The following VAV3 variants were observed in gnomAD, a reference collection of about 807,000 sequenced individuals.
The protein encoded by VAV3 is guanine nucleotide exchange factor VAV3.
VAV3 carries 94 observed loss-of-function variants against 131.2 expected under a neutral mutation model. The observed-to-expected ratio is 0.72, with a 90% CI of 0.61 to 0.85. VAV3 has a LOEUF of 0.85. Among genes scored for constraint, VAV3 ranks in the 40% least tolerant of loss-of-function variants. The probability of loss-of-function intolerance (pLI) is 0.00; values close to 1 mark genes in which losing one functional copy is unlikely to be tolerated. For missense variants in VAV3, 939 were observed against 1,002.7 expected (o/e 0.94, Z 0.86); for synonymous variants, 349 against 342.0 (o/e 1.02, Z -0.22).
chr1:107,964,917 G>A lies in VAV3; in HGVS notation c.-48C>T. On this transcript the variant is annotated 5_prime_UTR_variant, in exon 1 of 27. Transcript: ENST00000370056. ...CTGGGCCGGGGCGGGCGGCAAGGAT[G>A]CGGCCGCCGCCGCCGCCGCCGCGGT... is the stretch of plus-strand genomic sequence containing the variant. 1.7e-6 allele frequency: 2 copies of A among 1,178,830 alleles called. No homozygotes were observed. Among genetic ancestry groups the A allele is most frequent in the Non-Finnish European group, 2.1e-6 (2 of 952,980 alleles). The allele number at this position is 1,178,830 out of a possible 1,614,324, so 73.0% of individuals were successfully genotyped here.
At chr1:107,812,831 AC>A (rs776273344) in intron 2 of VAV3, among the ~76,000 whole-genome samples, 18 of 151,688 alleles carry the variant, frequency 1.2e-4, no homozygotes, top group Admixed American at 6.6e-4. Context: ...GGAATTAAAA[AC>A]TCTTGATAAG....
At chr1:107,815,473 T>C (rs1464396924) in intron 2 of VAV3, among the ~76,000 whole-genome samples, 2 of 152,216 alleles carry the variant, frequency 1.3e-5, no homozygotes, top group Non-Finnish European at 2.9e-5. Flanking sequence ...GATGTGATTT[T>C]ACGCACTGTT....
At chr1:107,660,861 A>G (rs553065578) in intron 19 of VAV3, among the ~76,000 whole-genome samples, 63 of 152,280 alleles carry the variant, frequency 4.1e-4, no homozygotes, top group African/African-American at 7.9e-4. Flanking sequence ...CATTAGAAAA[A>G]TTGCAAACGC....
At chr1:107,917,024 C>T (rs345309) in intron 1 of VAV3, among the ~76,000 whole-genome samples, 91,725 of 151,966 alleles carry the variant, frequency 0.6, 29,641 homozygotes, top group Middle Eastern at 0.76. Context: ...ATGTTGGTGA[C>T]GATCAGATTG....
chr1:107,923,223 G>C (rs1443740057), intron 1 of VAV3, among the ~76,000 whole-genome samples: 1 of 152,100 alleles, frequency 6.6e-6, no homozygotes, highest in East Asian at 1.9e-4. Context: ...GTGCGTTTGG[G>C]TTTTGTTTTG....
intron 19 of VAV3, chr1:107,669,290 A>G: frequency 4.7e-6 from 6 of 1,284,362 alleles, no homozygotes; most frequent in Non-Finnish European, 6.1e-6. Context: ...GTAAGTGGGG[A>G]CAAAAAGAGC....
intron 19 of VAV3, among the ~76,000 whole-genome samples, chr1:107,666,894 G>A (rs542542450): frequency 2.6e-5 from 4 of 152,284 alleles, no homozygotes; most frequent in Admixed American, 2.6e-4. Flanking sequence ...CAAGGTCACA[G>A]AGCTGGTAAA....
chr1:107,871,767 A>G (rs557198518), intron 2 of VAV3, among the ~76,000 whole-genome samples: 2 of 152,302 alleles, frequency 1.3e-5, no homozygotes, highest in East Asian at 3.9e-4. Flanking sequence ...AAGATTCAAA[A>G]TAAATCTCCT....
Position 107,704,568 on chromosome 1 carries a change from C to T in VAV3, c.1687G>A (p.Gly563Ser). The change falls in exon 17 of 27, where the codon GGC becomes AGC. Residue 563 changes from glycine (G) to serine (S), a missense_variant. By Grantham distance (56) the Gly-to-Ser change is moderately conservative (BLOSUM62 0). Transcript: ENST00000370056. The part of the protein sequence containing the change: ...KECLGRVDNC[G>S]RVNSGEQGTL... ...GACTTACCACCAGAATTAACTCTGC[C>T]ACAATTGTCTACTCTTCCCAAACAT... The T allele has an allele frequency of 1.2e-6, 2 of 1,613,490 alleles. No homozygotes were observed. Among genetic ancestry groups the T allele is most frequent in the Non-Finnish European group, 1.7e-6 (2 of 1,179,560 alleles).
At position 107,903,011 on chromosome 1, in the gene VAV3, T is replaced by C. The variant is rs576866127; in HGVS notation, c.205-27994A>G. On this transcript the variant is annotated intron_variant, in intron 1 of 26. Transcript: ENST00000370056. ...GCAGAATTGAAATGAGATAATCTGC[T>C]AGTGTGAAAGAAATAATTTTAAGGA... Among the ~76,000 whole-genome samples, 10 of 152,258 alleles carry C rather than the reference T, an allele frequency of 6.6e-5. 1 individual carries two copies. In the South Asian group the frequency reaches 1.7e-3, roughly 25 times the overall value.
At chr1:107,671,605 G>T (rs1338563082) in intron 19 of VAV3, among the ~76,000 whole-genome samples, 1 of 152,146 alleles carries the variant, frequency 6.6e-6, no homozygotes, top group Non-Finnish European at 1.5e-5. Context: ...AGGAGCAGCA[G>T]AGTAAATTAA....
At chr1:107,862,773 G>C (rs1669800271) in intron 2 of VAV3, 1 of 145,542 alleles carries the variant, frequency 6.9e-6, no homozygotes, top group African/African-American at 2.4e-5. Context: ...TAGAATACGT[G>C]CATTAGTGAG....
intron 2 of VAV3, among the ~76,000 whole-genome samples, chr1:107,833,556 T>C (rs967604196): frequency 2.7e-5 from 4 of 147,768 alleles, no homozygotes; most frequent in African/African-American, 1.1e-4. Flanking sequence ...ATTTTAGAAA[T>C]TTTTTTTTCT....
chr1:107,820,808 T>C (rs998451755), intron 2 of VAV3: 3 of 152,116 alleles, frequency 2.0e-5, no homozygotes, highest in Non-Finnish European at 4.4e-5. Context: ...GATCACCCAT[T>C]TTTAAAAGTC....
chr1:107,732,513 A>C (rs1423835002), intron 15 of VAV3, among the ~76,000 whole-genome samples: 1 of 152,170 alleles, frequency 6.6e-6, no homozygotes, highest in African/African-American at 2.4e-5. Context: ...CCGCCTTAAT[A>C]CTACGCTTTT....
At chr1:107,898,614 T>C (rs1459497116) in intron 1 of VAV3, among the ~76,000 whole-genome samples, 1 of 152,184 alleles carries the variant, frequency 6.6e-6, no homozygotes, top group Non-Finnish European at 1.5e-5. Context: ...ATAGGAAGCA[T>C]TCAGCAGATT....
chr1:107,647,416 A>C (rs114722875), intron 19 of VAV3, among the ~76,000 whole-genome samples: 3 of 151,918 alleles, frequency 2.0e-5, no homozygotes, highest in Non-Finnish European at 2.9e-5. Context: ...TCAGCATTCC[A>C]TAAGTGCTGG....
intron 1 of VAV3, among the ~76,000 whole-genome samples, chr1:107,887,363 C>A (rs538414376): frequency 6.6e-6 from 1 of 152,304 alleles, no homozygotes; most frequent in South Asian, 2.1e-4. Context: ...ATCAATAATA[C>A]TCTCATAAAT....
intron 2 of VAV3, among the ~76,000 whole-genome samples, chr1:107,784,277 C>T (rs1007977104): frequency 2.6e-5 from 4 of 151,964 alleles, no homozygotes; most frequent in Non-Finnish European, 4.4e-5. Flanking sequence ...CTACAGCATG[C>T]TTTTGTCATT....
Sources: allele counts gnomAD v4.1 joint callset (sites outside exome capture counted in the v4.1 genomes callset), GRCh38; gene constraint gnomAD v4.1.1; transcripts MANE v1.5; gene names NCBI Gene and HGNC (gene_info 2026-07-23, HGNC 2026-07-21).